The following IMMP2L variants were observed in gnomAD, a reference collection of about 807,000 sequenced individuals.
IMMP2L encodes mitochondrial inner membrane protease subunit 2.
A neutral mutation model predicts 19.3 loss-of-function variants in IMMP2L; 18 were observed. That is an observed-to-expected ratio of 0.93 (90% CI 0.64 to 1.38). The LOEUF (loss-of-function observed/expected upper bound fraction) is 1.38. Among genes scored for constraint, IMMP2L ranks in the 40% most tolerant of loss-of-function variants. IMMP2L has a pLI of 0.00. For synonymous variants in IMMP2L, 76 were observed against 73.0 expected (o/e 1.04, Z -0.21); for missense variants, 233 against 218.2 (o/e 1.07, Z -0.43).
In IMMP2L at chr7:111,350,125, G is replaced by C. The variant is rs147324437; in HGVS notation, c.239+137113C>G. On this transcript the variant is annotated intron_variant, in intron 3 of 5. Coordinates refer to ENST00000405709, the MANE Select transcript of IMMP2L (RefSeq NM_032549.4). ...TTGGATTACACGTGCACGCCACCATGCCAGGCTAATTTTTGTATTTTTAGT... is the reference window on the plus strand; with the variant it reads ...TTGGATTACACGTGCACGCCACCATCCCAGGCTAATTTTTGTATTTTTAGT... 2.0e-5 allele frequency among the ~76,000 whole-genome samples: 3 copies of C among 151,626 alleles called. 1 individual carries two copies. The South Asian group carries it at 6.3e-4, about 32-fold the overall frequency.
intron 3 of IMMP2L, among the ~76,000 whole-genome samples, chr7:111,277,361 A>G (rs1819191098): frequency 6.6e-6 from 1 of 152,100 alleles, no homozygotes. Context: ...ATCACTAATC[A>G]TCAGAGAAAT....
At chr7:110,792,951 T>C (rs1177386540) in intron 5 of IMMP2L, among the ~76,000 whole-genome samples, 1 of 152,052 alleles carries the variant, frequency 6.6e-6, no homozygotes, top group South Asian at 2.1e-4. Context: ...CTGGGGGGCA[T>C]TGTGCTATAC....
chr7:111,418,582 CTGAG>C (rs1358089200), intron 3 of IMMP2L, among the ~76,000 whole-genome samples: 19 of 151,988 alleles, frequency 1.3e-4, no homozygotes, highest in African/African-American at 4.6e-4. Context: ...TTAGGTTACA[CTGAG>C]TGCCTTTGAG....
At chr7:111,532,296 C>G (rs1847465776) in intron 1 of IMMP2L, among the ~76,000 whole-genome samples, 1 of 152,088 alleles carries the variant, frequency 6.6e-6, no homozygotes, top group African/African-American at 2.4e-5. Context: ...ATTCACTTCT[C>G]TTACACTGCA....
chr7:111,295,557 A>G (rs189534574), intron 3 of IMMP2L, among the ~76,000 whole-genome samples: 1 of 151,890 alleles, frequency 6.6e-6, no homozygotes, highest in Non-Finnish European at 1.5e-5. Context: ...AACAATACAC[A>G]TGAAATATGA....
At chr7:111,409,966 A>G (rs1482761642) in intron 3 of IMMP2L, among the ~76,000 whole-genome samples, 2 of 151,784 alleles carry the variant, frequency 1.3e-5, no homozygotes, top group East Asian at 1.9e-4. Context: ...CATGGTCCAA[A>G]TAAGTTGAGA....
chr7:111,212,184 C>T (rs1811397971), intron 3 of IMMP2L, among the ~76,000 whole-genome samples: 2 of 152,152 alleles, frequency 1.3e-5, no homozygotes, highest in African/African-American at 4.8e-5. Context: ...CTCTCTCTCT[C>T]TCTCTTTCTC....
intron 3 of IMMP2L, among the ~76,000 whole-genome samples, chr7:111,179,140 T>C (rs1468798186): frequency 6.6e-6 from 1 of 152,038 alleles, no homozygotes; most frequent in East Asian, 1.9e-4. Flanking sequence ...AATCTCTTTA[T>C]ACATCTCCTT....
chr7:111,533,600 G>A (rs561601261), intron 1 of IMMP2L, among the ~76,000 whole-genome samples: 18 of 152,240 alleles, frequency 1.2e-4, no homozygotes, highest in Non-Finnish European at 2.1e-4. Flanking sequence ...TTCATATTGG[G>A]AAGAGAAGTT....
At chr7:111,507,447 C>A (rs2132524854) in intron 2 of IMMP2L, among the ~76,000 whole-genome samples, 1 of 152,210 alleles carries the variant, frequency 6.6e-6, no homozygotes, top group Admixed American at 6.5e-5. Context: ...TTACAGTTCA[C>A]ATTTTTAAAA....
intron 3 of IMMP2L, among the ~76,000 whole-genome samples, chr7:111,115,922 C>T (rs1563259711): frequency 6.6e-6 from 1 of 152,128 alleles, no homozygotes; most frequent in Non-Finnish European, 1.5e-5. Context: ...GGTGATCCAC[C>T]CAACTCAGCC....
intron 3 of IMMP2L, among the ~76,000 whole-genome samples, chr7:111,232,798 C>G (rs1030304961): frequency 2.6e-5 from 4 of 152,060 alleles, no homozygotes; most frequent in Non-Finnish European, 5.9e-5. Flanking sequence ...CTTATCTCTG[C>G]TACCTTTACC....
chr7:111,020,345 T>A (rs962479699), intron 3 of IMMP2L, among the ~76,000 whole-genome samples: 4 of 151,872 alleles, frequency 2.6e-5, no homozygotes, highest in African/African-American at 7.3e-5. Context: ...GATCGCACCA[T>A]GGCACTCCAG....
rs185753029 is a variant in IMMP2L at position 111,036,134 on chromosome 7, A to T, written c.240-72569T>A. ...ACATCAATAAATATGGCATTTTAGA[A>T]CTAGTAAAAACTTAGAACTAACATA... On this transcript the variant is annotated intron_variant, in intron 3 of 5. Coordinates refer to ENST00000405709, the MANE Select transcript of IMMP2L (RefSeq NM_032549.4). Among the ~76,000 whole-genome samples, 96 of 152,330 alleles carry T rather than the reference A, an allele frequency of 6.3e-4. No individual in the cohort carries two copies. The East Asian group carries it at 0.015, about 23-fold the overall frequency.
chr7:111,006,476 A>G (rs1462351657), intron 3 of IMMP2L, among the ~76,000 whole-genome samples: 2 of 152,178 alleles, frequency 1.3e-5, no homozygotes, highest in Non-Finnish European at 2.9e-5. Flanking sequence ...GCATTTTCCC[A>G]TAATAGCTAT....
chr7:110,949,874 C>T lies in IMMP2L; in HGVS notation c.305+13626G>A, dbSNP rs567079379. On this transcript the variant is annotated intron_variant, in intron 4 of 5. Transcript: ENST00000405709. Reference sequence around the variant, plus strand: ...CCATGGAAAGTTTTAAAAGTATTTACACTAGAAGTCTAACACCCACCATTA... The same window carrying T: ...CCATGGAAAGTTTTAAAAGTATTTATACTAGAAGTCTAACACCCACCATTA... Among the ~76,000 whole-genome samples the T allele has an allele frequency of 2.0e-5, 3 of 152,260 alleles. No homozygotes were observed. The East Asian group carries it at 5.8e-4, about 29-fold the overall frequency.
At chr7:110,910,004 A>G (rs1235738878) in intron 4 of IMMP2L, among the ~76,000 whole-genome samples, 1 of 151,826 alleles carries the variant, frequency 6.6e-6, no homozygotes, top group Admixed American at 6.6e-5. Context: ...ACTATGGACT[A>G]AAGTTGACTA....
chr7:110,941,586 G>A (rs1361877998), intron 4 of IMMP2L, among the ~76,000 whole-genome samples: 1 of 152,182 alleles, frequency 6.6e-6, no homozygotes, highest in Admixed American at 6.5e-5. Context: ...TCGAATGAGA[G>A]ACAAGGGGTT....
At chr7:111,119,834 G>T (rs1322556364) in intron 3 of IMMP2L, among the ~76,000 whole-genome samples, 2 of 152,170 alleles carry the variant, frequency 1.3e-5, no homozygotes, top group African/African-American at 2.4e-5. Flanking sequence ...AAAGGATCAA[G>T]GAAATGCCTG....
Sources: allele counts gnomAD v4.1 joint callset (sites outside exome capture counted in the v4.1 genomes callset), GRCh38; gene constraint gnomAD v4.1.1; transcripts MANE v1.5; gene names NCBI Gene and HGNC (gene_info 2026-07-23, HGNC 2026-07-21).